Variants in RIPK1 observed in about 807,000 individuals in gnomAD.
The protein encoded by RIPK1 is receptor-interacting serine/threonine-protein kinase 1.
Under a neutral mutation model 62.4 loss-of-function variants are expected in RIPK1, and 27 were observed. The ratio of observed to expected loss-of-function variants is 0.43; its 90% CI spans 0.32 to 0.60. The LOEUF (loss-of-function observed/expected upper bound fraction) is 0.60, where lower values mean the gene tolerates loss of function less well. Ranked by LOEUF, RIPK1 falls within the 20% of genes least tolerant of loss-of-function variation. The pLI, the probability that RIPK1 is intolerant of heterozygous loss-of-function variation, is 0.07. For missense variants in RIPK1, 735 were observed against 831.0 expected (o/e 0.88, Z 1.42); for synonymous variants, 287 against 303.2 (o/e 0.95, Z 0.55).
chr6:3,071,791 G>C (rs745780660), intron 1 of RIPK1, among the ~76,000 whole-genome samples: 1 of 152,192 alleles, frequency 6.6e-6, no homozygotes, highest in Non-Finnish European at 1.5e-5. Context: ...GACCCAACTA[G>C]AGGCCTTCCC....
chr6:3,079,835 C>G (rs1173343270), intron 3 of RIPK1, among the ~76,000 whole-genome samples: 1 of 152,220 alleles, frequency 6.6e-6, no homozygotes, highest in Non-Finnish European at 1.5e-5. Context: ...GGAAATAAGT[C>G]TTTGGTCTCC....
chr6:3,068,493 C>T (rs1758494441), upstream of RIPK1: 7 of 985,282 alleles, frequency 7.1e-6, no homozygotes, highest in Non-Finnish European at 7.2e-6. Flanking sequence ...GCAGCGCGAA[C>T]AGTCCACGCC....
upstream of RIPK1, among the ~76,000 whole-genome samples, chr6:3,067,486 CATG>C (rs1188300869): frequency 1.3e-5 from 2 of 152,212 alleles, no homozygotes; most frequent in East Asian, 1.9e-4. Flanking sequence ...TCTTTAATGA[CATG>C]ATGTTGAGCA....
In RIPK1 at chr6:3,083,252, G is replaced by A. The variant is rs1229848274; in HGVS notation, c.627G>A (p.Ser209=). Residue 209 remains serine, a synonymous_variant, in exon 5 of 11, where the codon TCG becomes TCA. Transcript: ENST00000259808. ...TCAACGCAAAGCCCACAGAGAAGTC[G>A]GATGTGTACAGCTTTGCTGTAGTAC... The part of the protein sequence containing the change: ...NDVNAKPTEK[S]DVYSFAVVLW... 11 of 1,613,776 alleles carry A rather than the reference G, an allele frequency of 6.8e-6. No homozygotes were observed. Among genetic ancestry groups the A allele is most frequent in the Middle Eastern group, 1.6e-4 (1 of 6,082 alleles).
chr6:3,073,903 C>T (rs901318199), intron 1 of RIPK1, among the ~76,000 whole-genome samples: 1 of 152,212 alleles, frequency 6.6e-6, no homozygotes, highest in African/African-American at 2.4e-5. Context: ...GTCTTAACAC[C>T]GCTTGCTTCA....
At chr6:3,089,508 T>A (rs1019649206) in intron 6 of RIPK1, 73 bp from the exon 7 acceptor site, 5 of 788,594 alleles carry the variant, frequency 6.3e-6, no homozygotes, top group Non-Finnish European at 1.1e-5. Flanking sequence ...AATTCAAAGA[T>A]AATAGATGGC....
chr6:3,112,064 T>C (rs1410519896), intron 10 of RIPK1, among the ~76,000 whole-genome samples: 2 of 152,168 alleles, frequency 1.3e-5, no homozygotes, highest in African/African-American at 4.8e-5. Flanking sequence ...TTATTATTTT[T>C]ATGAAGGGCG....
chr6:3,111,362 ACTT>A (rs1452794066), intron 10 of RIPK1, among the ~76,000 whole-genome samples: 1 of 152,206 alleles, frequency 6.6e-6, no homozygotes, highest in African/African-American at 2.4e-5. Context: ...CCTCCACAGC[ACTT>A]CTGTAATAAA....
intron 1 of RIPK1, among the ~76,000 whole-genome samples, chr6:3,071,759 G>A (rs150039976): frequency 1.5e-3 from 224 of 152,338 alleles, no homozygotes; most frequent in Middle Eastern, 0.014. Flanking sequence ...TGGGTCAGGA[G>A]CTAAGCTCCC....
chr6:3,071,019 G>A (rs1758684510), intron 1 of RIPK1, among the ~76,000 whole-genome samples: 1 of 152,186 alleles, frequency 6.6e-6, no homozygotes, highest in Non-Finnish European at 1.5e-5. Flanking sequence ...ATTTGCTTCA[G>A]GGGTTATGAT....
At position 3,105,369 on chromosome 6, in the gene RIPK1, G is replaced by T; in HGVS notation, c.1007-113G>T. ...CTCCTAAATGCTTTGGACTGGTCTC[G>T]TACTTGTTTTCTGTGTGTTACTTTG... On this transcript the variant is annotated intron_variant, in intron 8 of 10. Coordinates refer to ENST00000259808, the MANE Select transcript of RIPK1 (RefSeq NM_001354930.2). This position sits in a 1 kb window ranked among gnomAD's most constrained non-coding sequence, Gnocchi z 4.5. 1.2e-6 allele frequency: 1 copy of T among 812,616 alleles called. No homozygotes were observed. The highest frequency in any genetic ancestry group is 2.0e-6 in the Non-Finnish European group (1 of 501,082). 50.3% of individuals were successfully genotyped at this position (812,616 alleles called of 1,614,324 possible).
chr6:3,080,861 G>A (rs879707830), intron 3 of RIPK1, 118 bp from the exon 4 acceptor site: 81 of 928,038 alleles, frequency 8.7e-5, no homozygotes, highest in Non-Finnish European at 1.3e-4. Flanking sequence ...TGCACCTGCT[G>A]GAAGGAAACC....
chr6:3,094,211 C>T (rs1039274430), intron 7 of RIPK1, among the ~76,000 whole-genome samples: 1 of 140,300 alleles, frequency 7.1e-6, no homozygotes, highest in Admixed American at 6.8e-5. Context: ...GAGTACCTAC[C>T]TGCTGCACCT....
At chr6:3,112,449 C>G (rs760052138) in intron 10 of RIPK1, among the ~76,000 whole-genome samples, 1 of 152,172 alleles carries the variant, frequency 6.6e-6, no homozygotes, top group Non-Finnish European at 1.5e-5. Context: ...CACCCAACCT[C>G]GTAGCCACAC....
chr6:3,068,680 C>A lies in RIPK1; in HGVS notation c.-61+19C>A, dbSNP rs537134463. ...GGGCGCGGTGAGCGGACTGGCACCG[C>A]GCGGGGAACATTCCGGAGGCCGCCG... On this transcript the variant is annotated intron_variant, in intron 1 of 10. Transcript: ENST00000259808. 1.2e-4 allele frequency: 114 copies of A among 984,876 alleles called. No individual in the cohort carries two copies. The African/African-American group carries it at 1.9e-3, about 17-fold the overall frequency. The allele number at this position is 984,876 out of a possible 1,614,324, so 61.0% of individuals were successfully genotyped here.
intron 5 of RIPK1, 43 bp downstream of exon 5, chr6:3,083,356 A>C: frequency 6.6e-7 from 1 of 1,518,652 alleles, no homozygotes; most frequent in Admixed American, 1.9e-5. Context: ...CTCAGCATCT[A>C]CACGCACTGT....
In RIPK1 at chr6:3,072,549, C is replaced by A. The variant is rs545144432; in HGVS notation, c.-61+3888C>A. Among the ~76,000 whole-genome samples, 1 of 151,966 alleles carries A rather than the reference C, an allele frequency of 6.6e-6. No homozygotes were observed. The highest frequency in any genetic ancestry group is 1.5e-5 in the Non-Finnish European group (1 of 68,004). On this transcript the variant is annotated intron_variant, in intron 1 of 10. Transcript: ENST00000259808. This position sits in a 1 kb window ranked among gnomAD's most constrained non-coding sequence, Gnocchi z 5.6. ...TATTTTTTTGGACAATTAAATAGTT[C>A]TCTTTTTAAAATAGTTATTCAATTG... is the stretch of plus-strand genomic sequence containing the variant.
intron 9 of RIPK1, among the ~76,000 whole-genome samples, chr6:3,109,318 G>T (rs374610429): frequency 6.6e-6 from 1 of 152,144 alleles, no homozygotes; most frequent in African/African-American, 2.4e-5. Context: ...GGAGAAGCAC[G>T]TGGGGAGGTC....
rs969081825 is a variant in RIPK1 at position 3,072,110 on chromosome 6, T to C, written c.-61+3449T>C. On this transcript the variant is annotated intron_variant, in intron 1 of 10. Transcript: ENST00000259808. This position sits in a 1 kb window ranked among gnomAD's most constrained non-coding sequence, Gnocchi z 5.6. ...TGCTAAGTGTTTTACCTACTTTTGC[T>C]GTTCTATGTAATGCTACCAGGAACA... Among the ~76,000 whole-genome samples the C allele has an allele frequency of 6.6e-6, 1 of 152,256 alleles. No individual in the cohort carries two copies. Among genetic ancestry groups the C allele is most frequent in the Non-Finnish European group, 1.5e-5 (1 of 68,048 alleles).
Sources: gnomAD v4.1 joint callset for allele counts (sites outside exome capture counted in the v4.1 genomes callset) on GRCh38, gnomAD v4.1.1 for gene constraint, Gnocchi (gnomAD v3.1) non-coding constraint, MANE v1.5 for transcripts, NCBI Gene and HGNC (gene_info 2026-07-23, HGNC 2026-07-21) for gene names.